TRIM36: variants seen among roughly 807,000 people sequenced by gnomAD.
TRIM36 encodes the protein E3 ubiquitin-protein ligase TRIM36.
TRIM36 carries 42 observed loss-of-function variants against 72.4 expected under a neutral mutation model. The ratio of observed to expected loss-of-function variants is 0.58; its 90% CI spans 0.45 to 0.75. The LOEUF is 0.75. Among genes scored for constraint, TRIM36 ranks in the 30% least tolerant of loss-of-function variants. TRIM36 has a pLI of 0.00. For missense variants in TRIM36, 913 were observed against 857.1 expected (o/e 1.07, Z -0.81); for synonymous variants, 315 against 282.8 (o/e 1.11, Z -1.14).
chr5:115,131,996 T>C (rs1752706856), intron 8 of TRIM36, among the ~76,000 whole-genome samples: 1 of 152,162 alleles, frequency 6.6e-6, no homozygotes, highest in South Asian at 2.1e-4. Flanking sequence ...GCCAATGAGC[T>C]GTATACTTAA....
intron 9 of TRIM36, 27 bp downstream of exon 9, chr5:115,130,565 A>C: frequency 1.3e-6 from 2 of 1,566,210 alleles, no homozygotes; most frequent in Middle Eastern, 1.7e-4. Context: ...AAAAATTATC[A>C]AGTTCTAGAT....
intron 2 of TRIM36, among the ~76,000 whole-genome samples, chr5:115,149,981 G>T (rs934293459): frequency 6.6e-6 from 1 of 152,068 alleles, no homozygotes; most frequent in Non-Finnish European, 1.5e-5. Context: ...GGATGGTCTC[G>T]ATCTCCTGAC....
intron 8 of TRIM36, among the ~76,000 whole-genome samples, chr5:115,131,999 A>G (rs576958790): frequency 6.6e-6 from 1 of 152,320 alleles, no homozygotes; most frequent in East Asian, 1.9e-4. Flanking sequence ...AATGAGCTGT[A>G]TACTTAAAAA....
At chr5:115,165,263 GCCCCAGTGGGGA>G (rs896769531) in intron 1 of TRIM36, among the ~76,000 whole-genome samples, 6 of 152,230 alleles carry the variant, frequency 3.9e-5, no homozygotes, top group Admixed American at 3.3e-4. Flanking sequence ...CCTAGGGAGT[GCCCCAGTGGGGA>G]CTCTGTGTGG....
chr5:115,169,975 G>C (rs969465985), upstream of TRIM36: 542 of 1,153,780 alleles, frequency 4.7e-4, no homozygotes, highest in Non-Finnish European at 5.8e-4. Flanking sequence ...GCGTGGCCTG[G>C]TCGTTGCCCA....
intron 8 of TRIM36, among the ~76,000 whole-genome samples, chr5:115,133,321 C>T (rs897733781): frequency 2.0e-5 from 3 of 151,996 alleles, no homozygotes; most frequent in Admixed American, 6.6e-5. Context: ...AGGGAGGGGG[C>T]GATGACTGGG....
chr5:115,159,831 A>G (rs767305162), intron 2 of TRIM36, among the ~76,000 whole-genome samples: 1 of 152,228 alleles, frequency 6.6e-6, no homozygotes, highest in Non-Finnish European at 1.5e-5. Flanking sequence ...GTATTTATGA[A>G]GCCAGGAGCA....
chr5:115,171,871 C>A (rs1319413238), upstream of TRIM36, among the ~76,000 whole-genome samples: 6 of 152,186 alleles, frequency 3.9e-5, no homozygotes, highest in Admixed American at 3.9e-4. Flanking sequence ...ACCATTATCA[C>A]CCCAGCACAG....
chr5:115,179,958 C>A, intron 1 of TRIM36: 2 of 1,613,534 alleles, frequency 1.2e-6, no homozygotes, highest in Non-Finnish European at 1.7e-6. Flanking sequence ...CGCGGCGCCC[C>A]GCGCCTCATC....
upstream of TRIM36, chr5:115,180,198 C>T (rs1197688696): frequency 8.8e-6 from 6 of 678,152 alleles, no homozygotes; most frequent in Admixed American, 1.5e-4. Context: ...AAGAAGCGGG[C>T]TTGGGTGAAA....
upstream of TRIM36, chr5:115,171,052 C>T: frequency 6.2e-7 from 1 of 1,611,984 alleles, no homozygotes; most frequent in Non-Finnish European, 8.5e-7. Context: ...GAACAGATGC[C>T]CTAAATTGCT....
At chr5:115,180,067 C>T in exon 1 of TRIM36, 1 of 1,603,640 alleles carries the variant, frequency 6.2e-7, no homozygotes, top group East Asian at 2.3e-5. Context: ...CTCTGGAGGA[C>T]CGACGCGGGT....
In TRIM36 at chr5:115,130,706, T is replaced by C; in HGVS notation, c.1682A>G (p.Lys561Arg). 13 of 1,614,134 alleles carry C rather than the reference T, an allele frequency of 8.1e-6. No homozygotes were observed. The highest frequency in any genetic ancestry group is 9.3e-6 in the Non-Finnish European group (11 of 1,180,024). ...TTCCACACGGAAGGCCCAGAAGTGT[T>C]TTCCTTTTGTAATGCCAGTATCTCC... ...IIGDTGITKGKHFWAFRVEPY... is the reference protein window; with the variant it reads ...IIGDTGITKGRHFWAFRVEPY... The change falls in exon 9 of 10, where the codon AAA (lysine) becomes AGA (arginine). Residue 561 changes from lysine to arginine, a missense_variant. Physicochemically the swap from Lys to Arg is conservative, Grantham distance 26 (BLOSUM62 2). Coordinates refer to ENST00000513154, the MANE Select transcript of TRIM36 (RefSeq NM_001300759.2).
chr5:115,158,256 C>T (rs1754289568), intron 2 of TRIM36, among the ~76,000 whole-genome samples: 1 of 152,090 alleles, frequency 6.6e-6, no homozygotes, highest in Non-Finnish European at 1.5e-5. Context: ...TATACTAGCA[C>T]CTTACAGAAT....
At chr5:115,155,901 A>T (rs1191771211) in intron 2 of TRIM36, among the ~76,000 whole-genome samples, 1 of 152,190 alleles carries the variant, frequency 6.6e-6, no homozygotes, top group Admixed American at 6.5e-5. Flanking sequence ...TTACCTCGAA[A>T]ACCCTAAAGC....
In TRIM36 at chr5:115,169,599, C is replaced by A; in HGVS notation, c.27+9G>T. Reference sequence around the variant, plus strand: ...TCGAGGTGGGGGCGGCGGTCCCCTCCGCACTCACCGGCGAATCTGAGCCAT... The same window carrying A: ...TCGAGGTGGGGGCGGCGGTCCCCTCAGCACTCACCGGCGAATCTGAGCCAT... On this transcript the variant is annotated intron_variant, in intron 1 of 9. Coordinates refer to ENST00000513154, the MANE Select transcript of TRIM36 (RefSeq NM_001300759.2). The A allele has an allele frequency of 1.3e-6, 2 of 1,521,228 alleles. No homozygotes were observed. Among genetic ancestry groups the A allele is most frequent in the Non-Finnish European group, 1.8e-6 (2 of 1,140,166 alleles). 94.2% of individuals were successfully genotyped at this position (1,521,228 alleles called of 1,614,324 possible).
chr5:115,166,438 C>T (rs189535954), intron 1 of TRIM36, among the ~76,000 whole-genome samples: 2 of 152,170 alleles, frequency 1.3e-5, no homozygotes, highest in Non-Finnish European at 2.9e-5. Context: ...GTACCCACTC[C>T]GGGTCTCTTC....
At chr5:115,179,243 C>T (rs1205396114) in intron 1 of TRIM36, among the ~76,000 whole-genome samples, 1 of 152,204 alleles carries the variant, frequency 6.6e-6, no homozygotes, top group African/African-American at 2.4e-5. Flanking sequence ...GCCTCCCGCA[C>T]TGACTCAGGC....
intron 9 of TRIM36, among the ~76,000 whole-genome samples, chr5:115,130,269 C>CA (rs1039897013): frequency 5.9e-5 from 9 of 152,336 alleles, no homozygotes; most frequent in African/African-American, 1.7e-4. Context: ...GTATGACAAT[C>CA]AGACGCATTG....
Sources: allele counts gnomAD v4.1 joint callset (sites outside exome capture counted in the v4.1 genomes callset), GRCh38; gene constraint gnomAD v4.1.1; transcripts MANE v1.5; gene names NCBI Gene and HGNC (gene_info 2026-07-23, HGNC 2026-07-21).